DACH1: variants seen among roughly 807,000 people sequenced by gnomAD.
The protein encoded by DACH1 is dachshund homolog 1.
Under a neutral mutation model 54.2 loss-of-function variants are expected in DACH1, and 12 were observed. That is an observed-to-expected ratio of 0.22 (90% CI 0.14 to 0.36). The LOEUF is 0.36. Ranked by LOEUF, DACH1 falls within the 10% of genes least tolerant of loss-of-function variation. The pLI is 1.00. For synonymous variants in DACH1, 386 were observed against 366.2 expected, an observed-to-expected ratio of 1.05 and a Z score of -0.62; for missense variants, 805 against 929.8, an observed-to-expected ratio of 0.87 and a Z score of 1.75.
chr13:71,529,404 C>G (rs528378387), intron 6 of DACH1, among the ~76,000 whole-genome samples: 19 of 152,114 alleles, frequency 1.2e-4, no homozygotes, highest in African/African-American at 4.3e-4. Flanking sequence ...CAACGATGGT[C>G]TCCATCTCTT....
At chr13:71,505,197 C>A (rs1880215787) in intron 6 of DACH1, among the ~76,000 whole-genome samples, 1 of 152,028 alleles carries the variant, frequency 6.6e-6, no homozygotes, top group African/African-American at 2.4e-5. Flanking sequence ...ATTCCTCAGC[C>A]TCAGTGTCCC....
rs1162087543 is a variant in DACH1, at chr13:71,573,360, C to G, written c.1127-348G>C. On this transcript the variant is annotated intron_variant, in intron 3 of 10. Transcript: ENST00000613252. ...TCTTTATTATGTCCTATTTTGCCAA[C>G]TGATAAATACAATTTAAAAAAAACT... is the stretch of plus-strand genomic sequence containing the variant. 8.6e-6 allele frequency: 6 copies of G among 701,580 alleles called. No homozygotes were observed. The African/African-American group carries it at 1.1e-4, about 13-fold the overall frequency. 43.5% of individuals were successfully genotyped at this position (701,580 alleles called of 1,614,324 possible).
chr13:71,675,681 A>G (rs1176362655), intron 2 of DACH1, among the ~76,000 whole-genome samples: 1 of 152,176 alleles, frequency 6.6e-6, no homozygotes, highest in Non-Finnish European at 1.5e-5. Context: ...AATTTTTAAT[A>G]TAAATGTGGA....
intron 1 of DACH1, among the ~76,000 whole-genome samples, chr13:71,756,960 C>T (rs1336347665): frequency 1.3e-5 from 2 of 152,038 alleles, no homozygotes; most frequent in East Asian, 1.9e-4. Context: ...CGATGGCTCA[C>T]GTAACAAATT....
intron 7 of DACH1, among the ~76,000 whole-genome samples, chr13:71,487,040 G>A (rs1238917533): frequency 1.3e-5 from 2 of 151,710 alleles, no homozygotes; most frequent in African/African-American, 2.4e-5. Context: ...TAGTAGAGAC[G>A]GGGCTTCATG....
intron 6 of DACH1, among the ~76,000 whole-genome samples, chr13:71,548,031 T>C (rs916878843): frequency 2.6e-5 from 4 of 152,216 alleles, no homozygotes; most frequent in Non-Finnish European, 4.4e-5. Context: ...GGTATACGTG[T>C]GCACACGTGA....
chr13:71,512,205 C>G (rs1189041323), intron 6 of DACH1, among the ~76,000 whole-genome samples: 6 of 151,872 alleles, frequency 4.0e-5, no homozygotes, highest in Non-Finnish European at 8.8e-5. Context: ...TCTAGGCCTT[C>G]ATTTGTTATC....
chr13:71,486,817 T>TATTC (rs1878559748), intron 7 of DACH1, among the ~76,000 whole-genome samples: 1 of 6,308 alleles, frequency 1.6e-4, no homozygotes, highest in African/African-American at 1.9e-4. Context: ...TTTATTTATC[T>TATTC]ATCTATCTAT....
intron 6 of DACH1, among the ~76,000 whole-genome samples, chr13:71,556,412 T>C (rs1230105075): frequency 6.6e-6 from 1 of 152,134 alleles, no homozygotes; most frequent in Non-Finnish European, 1.5e-5. Flanking sequence ...AATAAATTTC[T>C]AATATGCTGA....
intron 1 of DACH1, among the ~76,000 whole-genome samples, chr13:71,752,630 A>G (rs1486471967): frequency 2.0e-5 from 3 of 152,150 alleles, no homozygotes; most frequent in Admixed American, 6.6e-5. Context: ...GATAATAATT[A>G]TTTCCCCCAA....
rs77483161 is a variant in DACH1 at position 71,733,374 on chromosome 13, G to A, written c.849-51464C>T. Among the ~76,000 whole-genome samples, 55 of 152,090 alleles carry A rather than the reference G, an allele frequency of 3.6e-4. No individual in the cohort carries two copies. In the East Asian group the frequency reaches 9.1e-3, roughly 25 times the overall value. Reference sequence around the variant, plus strand: ...TTTGTTTGTGTTTTGTAGAGATAAGGTCTCACTCTATTGCCCAAGCTGGTC... The same window carrying A: ...TTTGTTTGTGTTTTGTAGAGATAAGATCTCACTCTATTGCCCAAGCTGGTC... On this transcript the variant is annotated intron_variant, in intron 1 of 10. Coordinates refer to ENST00000613252, the MANE Select transcript of DACH1 (RefSeq NM_080759.6).
At chr13:71,662,886 C>T (rs1879601770) in intron 2 of DACH1, among the ~76,000 whole-genome samples, 1 of 151,874 alleles carries the variant, frequency 6.6e-6, no homozygotes, top group South Asian at 2.1e-4. Flanking sequence ...TGTTATGTAA[C>T]TCTCTTGGTA....
At chr13:71,746,786 GC>G (rs1425771669) in intron 1 of DACH1, among the ~76,000 whole-genome samples, 2 of 152,282 alleles carry the variant, frequency 1.3e-5, no homozygotes, top group East Asian at 1.9e-4. Context: ...CCCAGAAGTG[GC>G]TAGGACTTCT....
intron 10 of DACH1, among the ~76,000 whole-genome samples, chr13:71,467,594 G>A (rs912226238): frequency 2.6e-5 from 4 of 151,740 alleles, no homozygotes; most frequent in African/African-American, 4.8e-5. Context: ...TATGGGTATC[G>A]CTAAAACTTT....
chr13:71,783,172 T>G (rs1886454833), intron 1 of DACH1, among the ~76,000 whole-genome samples: 1 of 152,140 alleles, frequency 6.6e-6, no homozygotes, highest in African/African-American at 2.4e-5. Context: ...TTATGACATG[T>G]AAGGGATTTG....
intron 1 of DACH1, among the ~76,000 whole-genome samples, chr13:71,809,674 C>T (rs997210655): frequency 7.2e-5 from 11 of 152,142 alleles, no homozygotes; most frequent in African/African-American, 2.2e-4. Context: ...TTATATGGAA[C>T]ATAGTCTTAT....
chr13:71,617,088 C>A, intron 3 of DACH1, among the ~76,000 whole-genome samples: 1 of 151,956 alleles, frequency 6.6e-6, no homozygotes, highest in East Asian at 1.9e-4. Context: ...AGGCTGATCT[C>A]GAACTCCAGA....
intron 3 of DACH1, among the ~76,000 whole-genome samples, chr13:71,587,122 GAATA>G (rs1205987078): frequency 2.6e-5 from 4 of 152,046 alleles, no homozygotes; most frequent in African/African-American, 9.7e-5. Flanking sequence ...TTATCCTAAT[GAATA>G]AATGAGTTTG....
At chr13:71,530,990 G>A (rs1170387200) in intron 6 of DACH1, among the ~76,000 whole-genome samples, 2 of 152,036 alleles carry the variant, frequency 1.3e-5, no homozygotes, top group Non-Finnish European at 2.9e-5. Flanking sequence ...GTAAGGGATG[G>A]AGGACAGATG....
Sources: gnomAD v4.1 joint callset for allele counts (sites outside exome capture counted in the v4.1 genomes callset) on GRCh38, gnomAD v4.1.1 for gene constraint, MANE v1.5 for transcripts, NCBI Gene and HGNC (gene_info 2026-07-23, HGNC 2026-07-21) for gene names.